Variants in SDK1 observed in about 807,000 individuals in gnomAD.
The protein encoded by SDK1 is protein sidekick-1.
In SDK1, 157 loss-of-function variants were observed where a neutral mutation model predicts 245.5. That is an observed-to-expected ratio of 0.64 (90% CI 0.56 to 0.73). The LOEUF is 0.73. Ranked by LOEUF, SDK1 falls within the 30% of genes least tolerant of loss-of-function variation. The pLI, the probability that SDK1 is intolerant of heterozygous loss-of-function variation, is 0.00. For synonymous variants in SDK1, 1,647 were observed against 1,278.5 expected (o/e 1.29, Z -6.15); for missense variants, 3,583 against 3,002.3 (o/e 1.19, Z -4.52).
intron 1 of SDK1, among the ~76,000 whole-genome samples, chr7:3,370,660 G>A (rs1459685478): frequency 6.6e-6 from 1 of 152,226 alleles, no homozygotes; most frequent in Non-Finnish European, 1.5e-5. Context: ...TGGGCAGAAT[G>A]TTCTTCAATA....
At chr7:3,670,591 A>G (rs1276472405) in intron 4 of SDK1, among the ~76,000 whole-genome samples, 3 of 152,188 alleles carry the variant, frequency 2.0e-5, no homozygotes, top group Non-Finnish European at 4.4e-5. Flanking sequence ...GTGGTAGCAC[A>G]GTGACTGACA....
chr7:3,977,523 C>T (rs1160022932), intron 13 of SDK1, among the ~76,000 whole-genome samples: 2 of 152,256 alleles, frequency 1.3e-5, no homozygotes, highest in Non-Finnish European at 2.9e-5. Context: ...GTTCTTTCTG[C>T]CCTTCATGAG....
chr7:3,701,055 G>T (rs576307570), intron 4 of SDK1, among the ~76,000 whole-genome samples: 1 of 152,106 alleles, frequency 6.6e-6, no homozygotes, highest in African/African-American at 2.4e-5. Flanking sequence ...GGAGGCTGAG[G>T]CTATCTACGT....
chr7:3,882,958 C>A (rs1003344349), intron 5 of SDK1, among the ~76,000 whole-genome samples: 6 of 152,196 alleles, frequency 3.9e-5, no homozygotes, highest in African/African-American at 1.2e-4. Context: ...GGAACATTTG[C>A]CCCGTTTCCA....
At chr7:4,123,111 TGTG>T (rs1784172962) in intron 25 of SDK1, among the ~76,000 whole-genome samples, 3 of 152,150 alleles carry the variant, frequency 2.0e-5, no homozygotes. Context: ...GAAAAACAGC[TGTG>T]ATTTGTAGGT....
At chr7:4,165,783 C>G (rs1042211344) in intron 32 of SDK1, among the ~76,000 whole-genome samples, 6 of 151,848 alleles carry the variant, frequency 4.0e-5, no homozygotes, top group African/African-American at 1.5e-4. Flanking sequence ...AGCCACCATG[C>G]CCAGCCTTGT....
rs373497088 is a variant in SDK1 at position 4,245,743 on chromosome 7, G to A, written c.6319G>A (p.Gly2107Ser). 32 of 1,613,908 alleles carry A rather than the reference G, an allele frequency of 2.0e-5. No homozygotes were observed. The Admixed American group carries it at 2.5e-4, about 13-fold the overall frequency. ...CGAGGACATCTGCAACAAGTACAAC[G>A]GCGCCGTGCTGACCGAGAGCGTGAG... ...SDEDICNKYN[G>S]AVLTESVSLK... Residue 2107 changes from glycine to serine, a missense_variant, in exon 44 of 45, where the codon GGC becomes AGC. Gly to Ser is a moderately conservative substitution (Grantham distance 56). Coordinates refer to ENST00000404826, the MANE Select transcript of SDK1 (RefSeq NM_152744.4).
At chr7:3,541,882 T>C (rs1779062093) in intron 1 of SDK1, among the ~76,000 whole-genome samples, 1 of 152,188 alleles carries the variant, frequency 6.6e-6, no homozygotes, top group Non-Finnish European at 1.5e-5. Context: ...TTATGTAATT[T>C]AAACAGAGGA....
chr7:3,779,960 AAG>A (rs1186605425), intron 4 of SDK1, among the ~76,000 whole-genome samples: 1 of 151,592 alleles, frequency 6.6e-6, no homozygotes, highest in Non-Finnish European at 1.5e-5. Flanking sequence ...AAAAAAAAAA[AAG>A]ATGATGAGCA....
chr7:3,911,100 C>T (rs1420187090), intron 5 of SDK1, among the ~76,000 whole-genome samples: 3 of 152,196 alleles, frequency 2.0e-5, no homozygotes, highest in African/African-American at 7.2e-5. Flanking sequence ...CGGCTGGAGG[C>T]CTCTGCAGTC....
chr7:3,590,715 T>C (rs1026345862), intron 1 of SDK1, among the ~76,000 whole-genome samples: 3 of 151,762 alleles, frequency 2.0e-5, no homozygotes, highest in Non-Finnish European at 4.4e-5. Context: ...AAAATACTGA[T>C]AACAGAGCCT....
intron 1 of SDK1, among the ~76,000 whole-genome samples, chr7:3,503,205 A>G (rs960402770): frequency 6.6e-6 from 1 of 152,214 alleles, no homozygotes; most frequent in Non-Finnish European, 1.5e-5. Flanking sequence ...AGAATTTGTC[A>G]ACTCCCTGGA....
At chr7:4,200,747 A>T (rs1783837292) in intron 35 of SDK1, among the ~76,000 whole-genome samples, 1 of 152,240 alleles carries the variant, frequency 6.6e-6, no homozygotes, top group Non-Finnish European at 1.5e-5. Flanking sequence ...CAGCAGTGCC[A>T]CATTCTAGTC....
At chr7:4,094,192 G>T (rs1781993004) in intron 22 of SDK1, among the ~76,000 whole-genome samples, 1 of 152,100 alleles carries the variant, frequency 6.6e-6, no homozygotes, top group Non-Finnish European at 1.5e-5. Context: ...GAGTAGAGTG[G>T]CTGGGATTAC....
intron 5 of SDK1, among the ~76,000 whole-genome samples, chr7:3,924,093 CTTTTTT>C (rs111644858): frequency 7.0e-6 from 1 of 143,860 alleles, no homozygotes; most frequent in Non-Finnish European, 1.5e-5. Flanking sequence ...AGAAATTCCT[CTTTTTT>C]TTTTTTTGGA....
rs117611507 is a variant in SDK1, at chr7:4,103,703, G to T, written c.3325-6960G>T. ...CTGGACCCTGGGAGAGATGCTGGAG[G>T]TGCAGGGATGCGTGAGACCCTGACC... On this transcript the variant is annotated intron_variant, in intron 22 of 44. Transcript: ENST00000404826. Among the ~76,000 whole-genome samples the T allele has an allele frequency of 2.0e-4, 31 of 152,332 alleles. No homozygotes were observed. In the East Asian group the frequency reaches 5.8e-3, roughly 29 times the overall value.
chr7:3,362,191 A>G (rs375061038), intron 1 of SDK1, among the ~76,000 whole-genome samples: 9 of 152,308 alleles, frequency 5.9e-5, no homozygotes, highest in Middle Eastern at 3.4e-3. Context: ...GGAGAACCCT[A>G]TATATCCCTG....
intron 4 of SDK1, among the ~76,000 whole-genome samples, chr7:3,755,348 C>G (rs1429918943): frequency 6.6e-6 from 1 of 152,086 alleles, no homozygotes; most frequent in Non-Finnish European, 1.5e-5. Context: ...GTTCGGTGCC[C>G]ATGACTGCAG....
intron 5 of SDK1, among the ~76,000 whole-genome samples, chr7:3,876,997 G>A (rs1450270773): frequency 6.6e-6 from 1 of 152,226 alleles, no homozygotes; most frequent in East Asian, 1.9e-4. Flanking sequence ...CTGTCCCTCT[G>A]CCCCTCTCCC....
Sources: allele counts gnomAD v4.1 joint callset (sites outside exome capture counted in the v4.1 genomes callset), GRCh38; gene constraint gnomAD v4.1.1; transcripts MANE v1.5; gene names NCBI Gene and HGNC (gene_info 2026-07-23, HGNC 2026-07-21).